SLC30A4: variants seen among roughly 807,000 people sequenced by gnomAD.
SLC30A4 encodes the protein solute carrier family 30 member 4.
A neutral mutation model predicts 41.7 loss-of-function variants in SLC30A4; 20 were observed. That is an observed-to-expected ratio of 0.48 (90% CI 0.34 to 0.70). The LOEUF (loss-of-function observed/expected upper bound fraction) is 0.70, where lower values mean the gene tolerates loss of function less well. SLC30A4 is among the 30% of genes least tolerant of loss of function. The pLI is 0.01. For missense variants in SLC30A4, 441 were observed against 529.3 expected (o/e 0.83, Z 1.64); for synonymous variants, 181 against 195.9 (o/e 0.92, Z 0.64).
rs1388811382 is a variant in SLC30A4, at chr15:45,522,623, G to A, written c.-131C>T. On this transcript the variant is annotated 5_prime_UTR_variant, in exon 1 of 8. Coordinates refer to ENST00000261867, the MANE Select transcript of SLC30A4 (RefSeq NM_013309.6). ...ATTTAATACCTGGGGCGCTGCCGCG[G>A]GGCCGCAACTCATCTCCCCGCCCCC... 1.3e-5 allele frequency: 4 copies of A among 319,936 alleles called. No homozygotes were observed. Among genetic ancestry groups the A allele is most frequent in the Admixed American group, 4.9e-5 (1 of 20,280 alleles). 19.8% of individuals were successfully genotyped at this position (319,936 alleles called of 1,614,324 possible). A position where few individuals can be genotyped will look rare whatever the true frequency, so the allele number is the denominator to read the frequency against.
At chr15:45,513,879 C>T (rs1892376783) in intron 2 of SLC30A4, 1 of 152,198 alleles carries the variant, frequency 6.6e-6, no homozygotes, top group Non-Finnish European at 1.5e-5. Flanking sequence ...TTTGACTGGA[C>T]ACTTGAAGCT....
At chr15:45,489,427 G>A (rs138127638) in intron 4 of SLC30A4, among the ~76,000 whole-genome samples, 10 of 152,040 alleles carry the variant, frequency 6.6e-5, no homozygotes, top group Non-Finnish European at 1.3e-4. Context: ...AGTGGTGGAA[G>A]AGTGTTCTAG....
intron 2 of SLC30A4, among the ~76,000 whole-genome samples, chr15:45,517,897 G>A (rs1892538554): frequency 6.6e-6 from 1 of 151,962 alleles, no homozygotes; most frequent in Non-Finnish European, 1.5e-5. Flanking sequence ...GCAGTGAGCC[G>A]AGATCACACC....
intron 3 of SLC30A4, among the ~76,000 whole-genome samples, chr15:45,496,738 A>G (rs190699501): frequency 1.5e-3 from 227 of 152,064 alleles, no homozygotes; most frequent in African/African-American, 5.3e-3. Context: ...GCTCATGCCT[A>G]CAATCCCTGC....
chr15:45,506,942 A>G (rs1017276658), intron 3 of SLC30A4, among the ~76,000 whole-genome samples: 1 of 152,182 alleles, frequency 6.6e-6, no homozygotes, highest in Non-Finnish European at 1.5e-5. Flanking sequence ...ATTCCAGAAC[A>G]TGTTCAACAC....
intron 6 of SLC30A4, 27 bp downstream of exon 6, chr15:45,487,500 C>CCCT: frequency 9.2e-7 from 1 of 1,087,680 alleles, no homozygotes. Context: ...GTAATAAACT[C>CCCT]ATAATGAGGA....
In SLC30A4 at chr15:45,481,637, G is replaced by C. The variant is rs1891603116; in HGVS notation, c.*3526C>G. 6.6e-6 allele frequency: 1 copy of C among 152,060 alleles called. No homozygotes were observed. The highest frequency in any genetic ancestry group is 6.5e-5 in the Admixed American group (1 of 15,268). The allele number at this position is 152,060 out of a possible 1,614,324, so 9.4% of individuals were successfully genotyped here. A position where few individuals can be genotyped will look rare whatever the true frequency, so the allele number is the denominator to read the frequency against. On this transcript the variant is annotated 3_prime_UTR_variant, in exon 8 of 8. Coordinates refer to ENST00000261867, the MANE Select transcript of SLC30A4 (RefSeq NM_013309.6). ...CCAACTCAGCCACTGCTTTTCACAG[G>C]GCATAGAGCTCTTTGAGAGCTCAGC...
intron 3 of SLC30A4, among the ~76,000 whole-genome samples, chr15:45,507,877 T>C (rs1314012536): frequency 6.6e-6 from 1 of 152,198 alleles, no homozygotes; most frequent in Non-Finnish European, 1.5e-5. Context: ...GGTGCTGGTT[T>C]TTCCCACATG....
chr15:45,487,127 G>A lies in SLC30A4; in HGVS notation c.1001-382C>T, dbSNP rs563543127. On this transcript the variant is annotated intron_variant, in intron 6 of 7. Coordinates refer to ENST00000261867, the MANE Select transcript of SLC30A4 (RefSeq NM_013309.6). ...CTTACACATAATATCAGTAAGGGAA[G>A]AATGCAGTAAATACAACAAAGTCAC... Among the ~76,000 whole-genome samples the A allele has an allele frequency of 4.6e-5, 7 of 152,180 alleles. No homozygotes were observed. In the East Asian group the frequency reaches 1.3e-3, roughly 29 times the overall value.
rs751224191 is a variant in SLC30A4 at position 45,522,306 on chromosome 15, C to T, written c.49G>A (p.Asp17Asn). The T allele has an allele frequency of 1.2e-6, 2 of 1,614,038 alleles. No individual in the cohort carries two copies. The highest frequency in any genetic ancestry group is 2.2e-5 in the South Asian group (2 of 91,082). ...TCATTTAAAAACAGCGGCGCATCAT[C>T]CTTCCTTAGCATAGATTTGAGGCGC... ...WKRLKSMLRK[D>N]DAPLFLNDTS... Residue 17 changes from aspartate (D) to asparagine (N), a missense_variant, in exon 2 of 8, where the codon GAT becomes AAT. Around this residue, in one of 3 missense-constraint regions of SLC30A4, gnomAD observed 312 missense variants for 341.9 expected, o/e 0.91. Transcript: ENST00000261867.
At chr15:45,486,043 G>A (rs1434411570) in intron 7 of SLC30A4, among the ~76,000 whole-genome samples, 1 of 150,450 alleles carries the variant, frequency 6.6e-6, no homozygotes, top group Non-Finnish European at 1.5e-5. Flanking sequence ...TTTTTTCCGA[G>A]ATGGAGTCTT....
At position 45,488,943 on chromosome 15, in the gene SLC30A4, A is replaced by G. The variant is rs370262043; in HGVS notation, c.792T>C (p.His264=). 9.9e-6 allele frequency: 16 copies of G among 1,614,040 alleles called. No homozygotes were observed. Among genetic ancestry groups the G allele is most frequent in the Non-Finnish European group, 1.4e-5 (16 of 1,180,002 alleles). Residue 264 remains histidine (H), a synonymous_variant, in exon 5 of 8, where the codon CAT becomes CAC. Transcript: ENST00000261867. ...CTCTCACTGCCAGGCTATCCTGCCC[A>G]TGGTTACGTTCACACCCAGAACCTC... The part of the protein sequence containing the change: ...PTRGSGCERN[H]GQDSLAVRAA...
chr15:45,503,529 T>G (rs1381911039), intron 3 of SLC30A4, among the ~76,000 whole-genome samples: 1 of 151,390 alleles, frequency 6.6e-6, no homozygotes, highest in African/African-American at 2.4e-5. Context: ...GGCAGGAGAA[T>G]CGCTTCAATC....
Position 45,488,936 on chromosome 15 carries a change from C to A in SLC30A4, c.799G>T (p.Asp267Tyr). ...AATGCAGCTCTCACTGCCAGGCTAT[C>A]CTGCCCATGGTTACGTTCACACCCA... Reference protein sequence around the residue: ...GSGCERNHGQDSLAVRAAFVH... With the variant: ...GSGCERNHGQYSLAVRAAFVH... The change falls in exon 5 of 8, where the codon GAT becomes TAT. Residue 267 changes from aspartate (D) to tyrosine (Y), a missense_variant. Physicochemically the swap from Asp to Tyr is radical, Grantham distance 160. Transcript: ENST00000261867. 1 of 1,614,154 alleles carries A rather than the reference C, an allele frequency of 6.2e-7. No individual in the cohort carries two copies. Among genetic ancestry groups the A allele is most frequent in the Admixed American group, 1.7e-5 (1 of 60,018 alleles).
chr15:45,480,475 G>A lies in SLC30A4; in HGVS notation c.*4688C>T, dbSNP rs1410615397. On this transcript the variant is annotated 3_prime_UTR_variant, in exon 8 of 8. Transcript: ENST00000261867. ...AGATATTAAACTTTATCAATTATTC[G>A]AAGATCAGACTTGCCTCCCCTCAAC... 1.3e-5 allele frequency: 2 copies of A among 152,138 alleles called. No individual in the cohort carries two copies. Among genetic ancestry groups the A allele is most frequent in the East Asian group, 1.9e-4 (1 of 5,200 alleles). The allele number at this position is 152,138 out of a possible 1,614,324, so 9.4% of individuals were successfully genotyped here. A position where few individuals can be genotyped will look rare whatever the true frequency, so the allele number is the denominator to read the frequency against.
chr15:45,511,090 G>A, intron 3 of SLC30A4, 48 bp downstream of exon 3: 1 of 1,443,042 alleles, frequency 6.9e-7, no homozygotes, highest in Non-Finnish European at 9.7e-7. Context: ...AGTTCATTGT[G>A]GTTTTACTAT....
At chr15:45,495,204 A>G (rs1891887778) in intron 3 of SLC30A4, among the ~76,000 whole-genome samples, 2 of 152,330 alleles carry the variant, frequency 1.3e-5, no homozygotes, top group South Asian at 4.1e-4. Flanking sequence ...TCACAGCCAC[A>G]TAAGTTAATG....
chr15:45,521,862 C>G lies in SLC30A4; in HGVS notation c.391+102G>C. 5 of 1,233,638 alleles carry G rather than the reference C, an allele frequency of 4.1e-6. No individual in the cohort carries two copies. In the Middle Eastern group the frequency reaches 9.9e-4, roughly 244 times the overall value. The allele number at this position is 1,233,638 out of a possible 1,614,324, so 76.4% of individuals were successfully genotyped here. A position where few individuals can be genotyped will look rare whatever the true frequency, so the allele number is the denominator to read the frequency against. Reference sequence around the variant, plus strand: ...AGATCAGTGTCTTGATAAATACAAACTTCCTGAAAAGATGGGTTAAACCTC... The same window carrying G: ...AGATCAGTGTCTTGATAAATACAAAGTTCCTGAAAAGATGGGTTAAACCTC... On this transcript the variant is annotated intron_variant, in intron 2 of 7. Coordinates refer to ENST00000261867, the MANE Select transcript of SLC30A4 (RefSeq NM_013309.6).
chr15:45,512,996 T>TA (rs768254504), intron 2 of SLC30A4, among the ~76,000 whole-genome samples: 7,497 of 139,260 alleles, frequency 0.054, 585 homozygotes, highest in African/African-American at 0.18. Context: ...AGACATTGAC[T>TA]AAAAAAAAAA....
Sources: gnomAD v4.1 joint callset for allele counts (sites outside exome capture counted in the v4.1 genomes callset) on GRCh38, gnomAD v4.1.1 for gene constraint, gnomAD v4.1.1 regional missense constraint, MANE v1.5 for transcripts, NCBI Gene and HGNC (gene_info 2026-07-23, HGNC 2026-07-21) for gene names.